The following FBXL17 variants were observed in gnomAD, a reference collection of about 807,000 sequenced individuals.
FBXL17 encodes F-box/LRR-repeat protein 17.
FBXL17 carries 22 observed loss-of-function variants against 66.2 expected under a neutral mutation model. That is an observed-to-expected ratio of 0.33 (90% CI 0.24 to 0.47). The LOEUF is 0.47. FBXL17 is among the 20% of genes least tolerant of loss of function. FBXL17 has a pLI of 1.00. For synonymous variants in FBXL17, 474 were observed against 400.5 expected (o/e 1.18, Z -2.19); for missense variants, 878 against 948.2 (o/e 0.93, Z 0.97).
chr5:108,304,546 T>A (rs1238213575), intron 4 of FBXL17, among the ~76,000 whole-genome samples: 1 of 152,018 alleles, frequency 6.6e-6, no homozygotes, highest in African/African-American at 2.4e-5. Context: ...TCTGCTTTAA[T>A]TTTGTATTTA....
chr5:108,149,631 A>C (rs528907033), intron 6 of FBXL17, among the ~76,000 whole-genome samples: 1 of 152,294 alleles, frequency 6.6e-6, no homozygotes, highest in African/African-American at 2.4e-5. Flanking sequence ...CTCTTCTGCT[A>C]TCTTAACCAC....
chr5:108,143,600 T>G (rs1751444399), intron 6 of FBXL17, among the ~76,000 whole-genome samples: 1 of 151,988 alleles, frequency 6.6e-6, no homozygotes, highest in Non-Finnish European at 1.5e-5. Flanking sequence ...ATATGAATAT[T>G]TAAGTATATT....
chr5:108,252,861 C>T (rs1756416213), intron 4 of FBXL17, among the ~76,000 whole-genome samples: 1 of 152,258 alleles, frequency 6.6e-6, no homozygotes, highest in Middle Eastern at 3.4e-3. Context: ...GAAAAATTCT[C>T]AAATTCTCAT....
At position 108,144,800 on chromosome 5, in the gene FBXL17, T is replaced by A. The variant is rs567270881; in HGVS notation, c.1745+41317A>T. 2.6e-5 allele frequency among the ~76,000 whole-genome samples: 4 copies of A among 152,306 alleles called. No homozygotes were observed. The East Asian group carries it at 5.8e-4, about 22-fold the overall frequency. ...GAATGAAACTGACAAAATCTTTTAG[T>A]TGGCCTATTTTACCTGGAGGAACCA... is the stretch of plus-strand genomic sequence containing the variant. On this transcript the variant is annotated intron_variant, in intron 6 of 8. Coordinates refer to ENST00000542267, the MANE Select transcript of FBXL17 (RefSeq NM_001163315.3).
intron 5 of FBXL17, among the ~76,000 whole-genome samples, chr5:108,219,698 A>T (rs1158197615): frequency 4.1e-5 from 6 of 147,608 alleles, no homozygotes; most frequent in African/African-American, 1.3e-4. Context: ...AATTAAAATT[A>T]AAAAAAAAGA....
At chr5:108,256,841 GTGTA>G (rs1756597339) in intron 4 of FBXL17, among the ~76,000 whole-genome samples, 2 of 144,582 alleles carry the variant, frequency 1.4e-5, no homozygotes, top group African/African-American at 5.8e-5. Context: ...AGGTAAATAA[GTGTA>G]TTTTTTTTTG....
intron 5 of FBXL17, among the ~76,000 whole-genome samples, chr5:108,198,862 T>C (rs1481967321): frequency 2.0e-5 from 3 of 152,134 alleles, no homozygotes; most frequent in South Asian, 4.1e-4. Context: ...CAGTAAGAAA[T>C]GGTAATCAGA....
intron 4 of FBXL17, among the ~76,000 whole-genome samples, chr5:108,312,637 G>C (rs1311344522): frequency 1.3e-5 from 2 of 151,636 alleles, no homozygotes; most frequent in Admixed American, 1.3e-4. Context: ...CCAAGACAAG[G>C]TAATACTATA....
intron 8 of FBXL17, among the ~76,000 whole-genome samples, chr5:107,864,583 G>T (rs1748221996): frequency 1.3e-5 from 2 of 152,166 alleles, no homozygotes; most frequent in African/African-American, 4.8e-5. Flanking sequence ...ATGGGGGTCT[G>T]CCCATCATGG....
chr5:107,940,530 T>TG (rs2112588651), intron 7 of FBXL17, among the ~76,000 whole-genome samples: 1 of 152,158 alleles, frequency 6.6e-6, no homozygotes, highest in East Asian at 1.9e-4. Context: ...AATACTTTAG[T>TG]GGGGAAGGAT....
At chr5:107,866,283 A>AT (rs574774810) in intron 8 of FBXL17, among the ~76,000 whole-genome samples, 7 of 151,764 alleles carry the variant, frequency 4.6e-5, no homozygotes, top group South Asian at 4.2e-4. Flanking sequence ...TGTGCCACAA[A>AT]TTTTTTTTTA....
chr5:108,098,384 A>T (rs1477239222), intron 6 of FBXL17, among the ~76,000 whole-genome samples: 1 of 152,162 alleles, frequency 6.6e-6, no homozygotes, highest in South Asian at 2.1e-4. Context: ...ATAAATAAAA[A>T]TAAAGGCTTT....
At chr5:108,373,325 A>G (rs924377482) in intron 1 of FBXL17, among the ~76,000 whole-genome samples, 7 of 111,454 alleles carry the variant, frequency 6.3e-5, no homozygotes, top group African/African-American at 2.5e-4. Context: ...TTAAATTTTT[A>G]TTAATATATA....
At chr5:108,278,651 G>C (rs1372815794) in intron 4 of FBXL17, among the ~76,000 whole-genome samples, 1 of 152,222 alleles carries the variant, frequency 6.6e-6, no homozygotes, top group Non-Finnish European at 1.5e-5. Flanking sequence ...TGCAACAGCA[G>C]GGAAAATGGA....
intron 7 of FBXL17, among the ~76,000 whole-genome samples, chr5:107,894,922 A>G (rs1480962702): frequency 6.6e-6 from 1 of 152,148 alleles, no homozygotes; most frequent in East Asian, 1.9e-4. Flanking sequence ...GTCATTTAAA[A>G]AATTCTGCAC....
At chr5:108,013,445 G>A (rs2112745398) in intron 7 of FBXL17, among the ~76,000 whole-genome samples, 1 of 152,194 alleles carries the variant, frequency 6.6e-6, no homozygotes, top group East Asian at 1.9e-4. Flanking sequence ...CTTGCTCTGA[G>A]CCTTTCCAAG....
chr5:108,110,637 T>C (rs559276791), intron 6 of FBXL17, among the ~76,000 whole-genome samples: 6 of 152,290 alleles, frequency 3.9e-5, no homozygotes, highest in African/African-American at 1.4e-4. Flanking sequence ...TAATGTACAA[T>C]TTTTTCAAAG....
At chr5:107,891,328 T>C (rs1167056194) in intron 7 of FBXL17, among the ~76,000 whole-genome samples, 1 of 152,144 alleles carries the variant, frequency 6.6e-6, no homozygotes, top group African/African-American at 2.4e-5. Flanking sequence ...TTAGCAATAT[T>C]GGCTTTCACT....
At chr5:107,895,705 C>A (rs1749356366) in intron 7 of FBXL17, among the ~76,000 whole-genome samples, 1 of 152,070 alleles carries the variant, frequency 6.6e-6, no homozygotes. Context: ...CAGATTGTTT[C>A]TTCTTTGATT....
Sources: allele counts gnomAD v4.1 joint callset (sites outside exome capture counted in the v4.1 genomes callset), GRCh38; gene constraint gnomAD v4.1.1; transcripts MANE v1.5; gene names NCBI Gene and HGNC (gene_info 2026-07-23, HGNC 2026-07-21).